NREP: variants seen among roughly 807,000 people sequenced by gnomAD.
NREP encodes neuronal regeneration-related protein.
In NREP, 5 loss-of-function variants were observed where a neutral mutation model predicts 8.6. The observed-to-expected ratio is 0.58, with a 90% CI of 0.30 to 1.22. The LOEUF (loss-of-function observed/expected upper bound fraction) is 1.22, where lower values mean the gene tolerates loss of function less well. Among genes scored for constraint, NREP ranks in the 50% most tolerant of loss-of-function variants. The pLI is 0.07. For synonymous variants in NREP, 27 were observed against 28.0 expected (o/e 0.96, Z 0.11); for missense variants, 86 against 82.5 (o/e 1.04, Z -0.17).
At chr5:111,820,662 A>T (rs1443666015) in intron 2 of NREP, among the ~76,000 whole-genome samples, 1 of 152,160 alleles carries the variant, frequency 6.6e-6, no homozygotes, top group African/African-American at 2.4e-5. Context: ...CTACACATTT[A>T]AAATATTTCA....
chr5:111,923,496 A>C (rs560736537), intron 2 of NREP, among the ~76,000 whole-genome samples: 38 of 152,302 alleles, frequency 2.5e-4, no homozygotes, highest in Middle Eastern at 3.4e-3. Context: ...AGATCCCTCT[A>C]CTAGTAGAGT....
intron 2 of NREP, among the ~76,000 whole-genome samples, chr5:111,939,600 G>C (rs748063074): frequency 1.3e-5 from 2 of 152,074 alleles, no homozygotes; most frequent in Non-Finnish European, 2.9e-5. Flanking sequence ...CAAGTGCACA[G>C]CTGAGGTCAA....
chr5:111,939,520 G>A (rs976444881), intron 2 of NREP, among the ~76,000 whole-genome samples: 1 of 151,962 alleles, frequency 6.6e-6, no homozygotes, highest in South Asian at 2.1e-4. Flanking sequence ...ATCAGTATTT[G>A]CAGCATGTCT....
chr5:111,975,590 T>C (rs1006098710), intron 1 of NREP, among the ~76,000 whole-genome samples: 3 of 152,166 alleles, frequency 2.0e-5, no homozygotes, highest in Non-Finnish European at 4.4e-5. Flanking sequence ...TAGGGTACTT[T>C]AGAAAGGGGT....
intron 2 of NREP, among the ~76,000 whole-genome samples, chr5:111,823,348 A>ACT (rs1469985286): frequency 9.9e-5 from 15 of 152,090 alleles, no homozygotes; most frequent in Non-Finnish European, 1.9e-4. Context: ...AATAAACCAA[A>ACT]CTACAGCACC....
chr5:111,972,032 C>G (rs1581263370), intron 2 of NREP, among the ~76,000 whole-genome samples: 1 of 151,918 alleles, frequency 6.6e-6, no homozygotes, highest in East Asian at 1.9e-4. Context: ...ATAAAAAACT[C>G]AAACAGCAAG....
At chr5:111,883,519 C>G (rs1313676287) in intron 2 of NREP, among the ~76,000 whole-genome samples, 5 of 152,306 alleles carry the variant, frequency 3.3e-5, no homozygotes, top group African/African-American at 1.2e-4. Flanking sequence ...ACAGAATATA[C>G]ACTTTTTTCA....
chr5:111,813,487 T>C (rs35057097), intron 2 of NREP, among the ~76,000 whole-genome samples: 27,561 of 152,126 alleles, frequency 0.18, 2,979 homozygotes, highest in Non-Finnish European at 0.24. Flanking sequence ...TATTCGTTCA[T>C]GCTTATATTC....
At chr5:111,797,447 A>G (rs1298658779) in intron 2 of NREP, among the ~76,000 whole-genome samples, 1 of 152,242 alleles carries the variant, frequency 6.6e-6, no homozygotes, top group East Asian at 1.9e-4. Flanking sequence ...AATTTGGAGC[A>G]AGAGCACAGA....
intron 2 of NREP, among the ~76,000 whole-genome samples, chr5:111,869,103 T>G (rs956135436): frequency 2.6e-5 from 4 of 152,194 alleles, no homozygotes; most frequent in Non-Finnish European, 5.9e-5. Flanking sequence ...ATTTGAGCAA[T>G]AGCAAATATT....
chr5:111,854,603 T>C (rs554742059), intron 2 of NREP, among the ~76,000 whole-genome samples: 23 of 152,182 alleles, frequency 1.5e-4, no homozygotes, highest in Non-Finnish European at 2.6e-4. Context: ...AAATTCCAAT[T>C]CAGTGGTTTT....
intron 2 of NREP, among the ~76,000 whole-genome samples, chr5:111,837,783 A>G (rs948890747): frequency 1.3e-5 from 2 of 152,104 alleles, no homozygotes; most frequent in East Asian, 1.9e-4. Context: ...CACATTTCAT[A>G]TGGTGGCAAA....
intron 2 of NREP, among the ~76,000 whole-genome samples, chr5:111,885,646 A>G (rs1338721287): frequency 6.6e-6 from 1 of 152,160 alleles, no homozygotes; most frequent in African/African-American, 2.4e-5. Flanking sequence ...GGAACAGAAC[A>G]GAGCCCTCAG....
At chr5:111,812,229 G>T (rs569985936) in intron 2 of NREP, among the ~76,000 whole-genome samples, 3 of 152,144 alleles carry the variant, frequency 2.0e-5, no homozygotes, top group Admixed American at 2.0e-4. Context: ...GGAGGTTGCG[G>T]TGAGGGGAGA....
chr5:111,899,522 G>T (rs1024820672), intron 2 of NREP, among the ~76,000 whole-genome samples: 1 of 151,844 alleles, frequency 6.6e-6, no homozygotes, highest in African/African-American at 2.4e-5. Context: ...TCTAAAAAAA[G>T]AAGAAAAAAT....
At chr5:111,847,649 G>C (rs1462212646) in intron 2 of NREP, among the ~76,000 whole-genome samples, 2 of 152,162 alleles carry the variant, frequency 1.3e-5, no homozygotes, top group African/African-American at 4.8e-5. Flanking sequence ...CATCTGGTCA[G>C]CCTGTGTCTA....
chr5:111,924,076 C>T lies in NREP; in HGVS notation c.135+51198G>A, dbSNP rs1755318237. ...TAGGGTTTTAGGGAGGGTGAAGGAA[C>T]AAATGGGCTTAATTCTTTCTTCTGC... On this transcript the variant is annotated intron_variant, in intron 2 of 3. Coordinates refer to the NREP transcript ENST00000395634. 2.0e-5 allele frequency among the ~76,000 whole-genome samples: 3 copies of T among 152,084 alleles called. No homozygotes were observed. The South Asian group carries it at 6.2e-4, about 32-fold the overall frequency.
intron 2 of NREP, among the ~76,000 whole-genome samples, chr5:111,842,719 T>A (rs897829722): frequency 7.9e-5 from 12 of 152,194 alleles, no homozygotes; most frequent in Non-Finnish European, 1.6e-4. Context: ...CATTTCAACT[T>A]GAAGAATTCC....
At chr5:111,971,536 A>G (rs886993360) in intron 2 of NREP, among the ~76,000 whole-genome samples, 1 of 152,226 alleles carries the variant, frequency 6.6e-6, no homozygotes, top group Non-Finnish European at 1.5e-5. Context: ...ACATAGACCA[A>G]TGGAACAGAA....
Sources: allele counts gnomAD v4.1 joint callset (sites outside exome capture counted in the v4.1 genomes callset), GRCh38; gene constraint gnomAD v4.1.1; transcripts MANE v1.5; gene names NCBI Gene and HGNC (gene_info 2026-07-23, HGNC 2026-07-21).